Variants in CDH13 observed in about 807,000 individuals in gnomAD.
The protein encoded by CDH13 is cadherin-13.
In CDH13, 24 loss-of-function variants were observed where a neutral mutation model predicts 63.8. The observed-to-expected ratio is 0.38, with a 90% CI of 0.27 to 0.53. The LOEUF (loss-of-function observed/expected upper bound fraction) is 0.53, where lower values mean the gene tolerates loss of function less well. Among genes scored for constraint, CDH13 ranks in the 20% least tolerant of loss-of-function variants. CDH13 has a pLI of 0.85. For synonymous variants in CDH13, 503 were observed against 355.3 expected (o/e 1.42, Z -4.67); for missense variants, 1,049 against 903.1 (o/e 1.16, Z -2.07).
intron 2 of CDH13, among the ~76,000 whole-genome samples, chr16:83,018,350 C>T (rs1178014419): frequency 6.6e-6 from 1 of 152,156 alleles, no homozygotes; most frequent in Non-Finnish European, 1.5e-5. Context: ...GCCGTTTATC[C>T]CTTACTGCCT....
intron 13 of CDH13, 109 bp from the exon 14 acceptor site, chr16:83,794,914 T>C (rs1904274870): frequency 2.0e-6 from 2 of 1,021,732 alleles, no homozygotes; most frequent in Non-Finnish European, 3.0e-6. Flanking sequence ...TCGTGTGATG[T>C]TTAAAATGTG....
chr16:82,841,840 C>T (rs2039020135), intron 1 of CDH13, among the ~76,000 whole-genome samples: 1 of 151,876 alleles, frequency 6.6e-6, no homozygotes, highest in African/African-American at 2.4e-5. Context: ...GCTGCTTAAC[C>T]CATGAAAGAC....
At chr16:83,146,193 C>CA (rs749952847) in intron 4 of CDH13, among the ~76,000 whole-genome samples, 11,032 of 97,334 alleles carry the variant, frequency 0.11, 580 homozygotes, top group African/African-American at 0.12. Flanking sequence ...GACTCTGTCT[C>CA]AAAAAAAAAA....
At chr16:83,006,906 TTGTTTG>T (rs1321308028) in intron 2 of CDH13, among the ~76,000 whole-genome samples, 23 of 124,882 alleles carry the variant, frequency 1.8e-4, no homozygotes, top group Non-Finnish European at 3.4e-4. Flanking sequence ...TTGATTTTTT[TTGTTTG>T]TTTGTTTGTT....
intron 6 of CDH13, among the ~76,000 whole-genome samples, chr16:83,389,884 G>A (rs2091751904): frequency 6.6e-6 from 1 of 152,226 alleles, no homozygotes; most frequent in Admixed American, 6.5e-5. Flanking sequence ...CTGTGCATCT[G>A]CATGCAGACA....
In CDH13 at chr16:82,696,656, A is replaced by T. The variant is rs9972782; in HGVS notation, c.45+69519A>T. On this transcript the variant is annotated intron_variant, in intron 1 of 13. Coordinates refer to ENST00000567109, the MANE Select transcript of CDH13 (RefSeq NM_001257.5). ...ACTCTTATCATTTCATTTATGTCCC[A>T]TGATTTCTTCAACTCAGTTAGGTCA... is the stretch of plus-strand genomic sequence containing the variant. 4.3e-3 allele frequency among the ~76,000 whole-genome samples: 658 copies of T among 152,334 alleles called. 5 individuals are homozygous for T. The highest frequency in any genetic ancestry group is 0.015 in the African/African-American group (621 of 41,576).
chr16:83,006,655 G>C (rs1471348443), intron 2 of CDH13, among the ~76,000 whole-genome samples: 2 of 152,160 alleles, frequency 1.3e-5, no homozygotes, highest in African/African-American at 2.4e-5. Flanking sequence ...AGCAAATAAT[G>C]ATGAAGTGAG....
intron 6 of CDH13, among the ~76,000 whole-genome samples, chr16:83,372,942 G>A (rs1198530188): frequency 3.3e-5 from 5 of 151,994 alleles, no homozygotes; most frequent in Admixed American, 1.3e-4. Context: ...TGGACCTTTG[G>A]CAGAGTCAAG....
At chr16:83,132,214 C>T (rs1165757490) in intron 4 of CDH13, among the ~76,000 whole-genome samples, 2 of 152,260 alleles carry the variant, frequency 1.3e-5, no homozygotes, top group East Asian at 1.9e-4. Flanking sequence ...GAAGCCCCAG[C>T]ACCTCTCCAT....
chr16:83,144,508 A>G (rs568755314), intron 4 of CDH13, among the ~76,000 whole-genome samples: 1 of 152,346 alleles, frequency 6.6e-6, no homozygotes, highest in South Asian at 2.1e-4. Flanking sequence ...AATCACCACG[A>G]GACAAGGTGT....
chr16:82,800,667 G>T (rs951526304), intron 1 of CDH13, among the ~76,000 whole-genome samples: 2 of 152,096 alleles, frequency 1.3e-5, no homozygotes, highest in African/African-American at 4.8e-5. Context: ...ACATACATTT[G>T]CATACTGCTT....
chr16:82,711,011 C>G (rs1437426940), intron 1 of CDH13, among the ~76,000 whole-genome samples: 2 of 151,446 alleles, frequency 1.3e-5, no homozygotes, highest in African/African-American at 4.9e-5. Context: ...ATCCATTCAT[C>G]TCTTCTTGTG....
intron 4 of CDH13, among the ~76,000 whole-genome samples, chr16:83,178,020 G>A (rs768058833): frequency 8.5e-5 from 13 of 152,066 alleles, no homozygotes; most frequent in South Asian, 2.1e-4. Flanking sequence ...AAGGAGCTAC[G>A]GGAAACCCTA....
At chr16:83,776,178 T>C (rs1016132546) in intron 11 of CDH13, among the ~76,000 whole-genome samples, 1 of 152,170 alleles carries the variant, frequency 6.6e-6, no homozygotes, top group African/African-American at 2.4e-5. Context: ...GTAGTATACT[T>C]AAGTTCACAA....
chr16:83,496,156 C>A (rs1412201737), intron 7 of CDH13, among the ~76,000 whole-genome samples: 1 of 152,134 alleles, frequency 6.6e-6, no homozygotes, highest in African/African-American at 2.4e-5. Context: ...TTGGAAAAAA[C>A]TACTTTAAAG....
intron 1 of CDH13, among the ~76,000 whole-genome samples, chr16:82,835,605 C>A (rs538981638): frequency 1.3e-5 from 2 of 152,184 alleles, no homozygotes; most frequent in South Asian, 2.1e-4. Flanking sequence ...ACGCCAGGGG[C>A]AGTAGGTGCA....
At position 83,084,311 on chromosome 16, in the gene CDH13, G is replaced by T. The variant is rs1040861270; in HGVS notation, c.367-41074G>T. 2.6e-5 allele frequency among the ~76,000 whole-genome samples: 4 copies of T among 152,120 alleles called. 1 individual carries two copies. Among genetic ancestry groups the T allele is most frequent in the Non-Finnish European group, 5.9e-5 (4 of 68,028 alleles). On this transcript the variant is annotated intron_variant, in intron 3 of 13. Transcript: ENST00000567109. ...GGAAAAGTTTGTTTTGACGTGGAAG[G>T]TCAGGAGTTTTTGTTTGTCTCTTGT...
intron 1 of CDH13, among the ~76,000 whole-genome samples, chr16:82,800,807 G>C (rs2036815769): frequency 1.3e-5 from 2 of 152,194 alleles, no homozygotes; most frequent in African/African-American, 4.8e-5. Flanking sequence ...GGGAGTCTCA[G>C]ATGAGAAATC....
At chr16:83,779,437 A>AAAG (rs1915360721) in intron 11 of CDH13, among the ~76,000 whole-genome samples, 1 of 147,080 alleles carries the variant, frequency 6.8e-6, no homozygotes, top group Non-Finnish European at 1.5e-5. Context: ...AAAAAAAAAA[A>AAAG]AGTCTTATAT....
Sources: allele counts gnomAD v4.1 joint callset (sites outside exome capture counted in the v4.1 genomes callset), GRCh38; gene constraint gnomAD v4.1.1; transcripts MANE v1.5; gene names NCBI Gene and HGNC (gene_info 2026-07-23, HGNC 2026-07-21).